LIG1: variants seen among roughly 807,000 people sequenced by gnomAD.
LIG1 encodes DNA ligase 1.
In LIG1, 70 loss-of-function variants were observed where a neutral mutation model predicts 115.7. That is an observed-to-expected ratio of 0.60 (90% CI 0.50 to 0.74). The LOEUF (loss-of-function observed/expected upper bound fraction) is 0.74. Among genes scored for constraint, LIG1 ranks in the 30% least tolerant of loss-of-function variants. The pLI is 0.00. For synonymous variants in LIG1, 487 were observed against 495.3 expected, an observed-to-expected ratio of 0.98 and a Z score of 0.22; for missense variants, 1,115 against 1,225.6, an observed-to-expected ratio of 0.91 and a Z score of 1.35.
rs747743680 is a variant in LIG1, at chr19:48,117,646, G to A, written c.2575C>T (p.Arg859Trp). 7 of 1,612,448 alleles carry A rather than the reference G, an allele frequency of 4.3e-6. No homozygotes were observed. Among genetic ancestry groups the A allele is most frequent in the East Asian group, 2.2e-5 (1 of 44,872 alleles). ...LSLSPIYPAA[R>W]GLVDSDKGIS... ...GGTCCTCTGCCACTCACCAGGCCCCGCGCAGCAGGGTAGATGGGAGAGAGG... is the reference window on the plus strand; with the variant it reads ...GGTCCTCTGCCACTCACCAGGCCCCACGCAGCAGGGTAGATGGGAGAGAGG... Residue 859 changes from arginine (R) to tryptophan (W), a missense_variant, in exon 26 of 28, where the codon CGG (arginine) becomes TGG (tryptophan). Physicochemically the swap from Arg to Trp is moderately radical, Grantham distance 101. Coordinates refer to ENST00000263274, the MANE Select transcript of LIG1 (RefSeq NM_000234.3).
At chr19:48,169,460 T>G (rs117073368) in intron 1 of LIG1, 1,639 of 152,384 alleles carry the variant, frequency 0.011, 31 homozygotes, top group Middle Eastern at 0.061. Context: ...ACAACTTCCT[T>G]GAATCTATAA....
At chr19:48,142,669 A>G (rs1318635762) in intron 11 of LIG1, among the ~76,000 whole-genome samples, 1 of 152,040 alleles carries the variant, frequency 6.6e-6, no homozygotes, top group Non-Finnish European at 1.5e-5. Context: ...TTTGAGACAG[A>G]GTCTCACTCT....
In LIG1 at chr19:48,140,046, G is replaced by A; in HGVS notation, c.1012C>T (p.Leu338Phe). The A allele has an allele frequency of 1.2e-6, 2 of 1,614,118 alleles. No homozygotes were observed. Among genetic ancestry groups the A allele is most frequent in the Non-Finnish European group, 1.7e-6 (2 of 1,180,048 alleles). Residue 338 changes from leucine to phenylalanine, a missense_variant, in exon 12 of 28, where the codon CTT becomes TTT. Physicochemically the swap from Leu to Phe is conservative, Grantham distance 22. Transcript: ENST00000263274. ...LPVLYLSLNH[L>F]GPPQQGLELG... ...TCCAGGCCCTGCTGGGGTGGCCCAA[G>A]GTGGTTGAGGCTGAGGTAGAGGACA...
At position 48,150,132 on chromosome 19, in the gene LIG1, G is replaced by A; in HGVS notation, c.653C>T (p.Thr218Ile). 5 of 1,614,232 alleles carry A rather than the reference G, an allele frequency of 3.1e-6. No homozygotes were observed. Among genetic ancestry groups the A allele is most frequent in the Non-Finnish European group, 4.2e-6 (5 of 1,180,048 alleles). The change falls in exon 8 of 28, where the codon ACC becomes ATC. Residue 218 changes from threonine to isoleucine, a missense_variant. Physicochemically the swap from Thr to Ile is moderately conservative, Grantham distance 89. Transcript: ENST00000263274. ...CTTGGGAGCTCTGCGGGGAGGCTTGGTCTGCTCTTCCTCCTCCTGCAGTTC... is the reference window on the plus strand; with the variant it reads ...CTTGGGAGCTCTGCGGGGAGGCTTGATCTGCTCTTCCTCCTCCTGCAGTTC... ...KQELQEEEEQTKPPRRAPKTL... is the reference protein window; with the variant it reads ...KQELQEEEEQIKPPRRAPKTL...
intron 9 of LIG1, among the ~76,000 whole-genome samples, chr19:48,148,406 T>C (rs377544342): frequency 1.3e-5 from 2 of 150,432 alleles, no homozygotes; most frequent in South Asian, 4.2e-4. Flanking sequence ...ACCTGGGAAG[T>C]TGAAGGTGCA....
chr19:48,162,061 C>A (rs988656513), intron 3 of LIG1, among the ~76,000 whole-genome samples: 2 of 152,168 alleles, frequency 1.3e-5, no homozygotes, highest in African/African-American at 4.8e-5. Context: ...CCAAGACCTG[C>A]AGAAACAGAG....
chr19:48,169,697 C>G (rs1234911258), intron 1 of LIG1: 1 of 158,458 alleles, frequency 6.3e-6, no homozygotes, highest in Non-Finnish European at 1.4e-5. Context: ...TCTAGCCCCG[C>G]CCCCTCAGCA....
chr19:48,128,125 T>A, intron 19 of LIG1, 105 bp from the exon 20 acceptor site: 1 of 883,554 alleles, frequency 1.1e-6, no homozygotes, highest in Non-Finnish European at 1.9e-6. Flanking sequence ...GCTCTCAAGA[T>A]GCACTAACAA....
intron 9 of LIG1, 114 bp downstream of exon 9, chr19:48,149,649 A>T: frequency 1.2e-6 from 1 of 810,132 alleles, no homozygotes; most frequent in Admixed American, 2.0e-5. Context: ...TCTTTATAGA[A>T]AAGGTTTGCC....
rs112930359 is a variant in LIG1, at chr19:48,156,697, C to T, written c.370+317G>A. On this transcript the variant is annotated intron_variant, in intron 5 of 27. Transcript: ENST00000263274. The stretch of plus-strand genomic sequence containing the variant: ...GTGGCTCACGCCTGTAATCCCAGCA[C>T]TTTGGGAGGCTGAGGCAGGCGGATC... Among the ~76,000 whole-genome samples, 19 of 151,880 alleles carry T rather than the reference C, an allele frequency of 1.3e-4. 2 individuals carry two copies. The highest frequency in any genetic ancestry group is 4.6e-4 in the African/African-American group (19 of 41,462).
intron 3 of LIG1, 55 bp downstream of exon 3, chr19:48,162,207 G>C (rs1230661721): frequency 1.6e-5 from 24 of 1,509,318 alleles, no homozygotes; most frequent in African/African-American, 4.1e-5. Flanking sequence ...TTGCAACCAA[G>C]ACAATCCTGA....
At chr19:48,138,962 T>C (rs1411411957) in intron 12 of LIG1, among the ~76,000 whole-genome samples, 1 of 152,154 alleles carries the variant, frequency 6.6e-6, no homozygotes, top group Non-Finnish European at 1.5e-5. Flanking sequence ...CTGATCCAAG[T>C]CAACCTTTCT....
intron 11 of LIG1, 38 bp downstream of exon 11, chr19:48,143,505 C>CGGGGGCGGG: frequency 1.2e-6 from 1 of 850,466 alleles, no homozygotes; most frequent in Non-Finnish European, 2.0e-6. Flanking sequence ...GACCCAGAAG[C>CGGGGGCGGG]GACCCCGCCC....
At chr19:48,145,621 T>G (rs919954973) in intron 9 of LIG1, among the ~76,000 whole-genome samples, 1 of 152,066 alleles carries the variant, frequency 6.6e-6, no homozygotes, top group African/African-American at 2.4e-5. Context: ...TGGTATGAAC[T>G]TGGGGTTTAA....
intron 19 of LIG1, among the ~76,000 whole-genome samples, chr19:48,129,043 A>C (rs1165654708): frequency 6.6e-6 from 1 of 150,698 alleles, no homozygotes; most frequent in African/African-American, 2.5e-5. Flanking sequence ...TATAGGCGTG[A>C]GCCACCACGC....
chr19:48,136,685 T>A (rs1454771939), intron 14 of LIG1, among the ~76,000 whole-genome samples: 1 of 152,112 alleles, frequency 6.6e-6, no homozygotes, highest in Non-Finnish European at 1.5e-5. Flanking sequence ...ATGGATTTGC[T>A]CTCACTGTCA....
chr19:48,143,808 C>A (rs1203922909), intron 10 of LIG1, 75 bp downstream of exon 10: 1 of 1,343,826 alleles, frequency 7.4e-7, no homozygotes. Context: ...TTTCTCCCAA[C>A]CAAGACTCTG....
intron 9 of LIG1, 86 bp from the exon 10 acceptor site, chr19:48,144,049 G>T: frequency 9.1e-7 from 1 of 1,097,790 alleles, no homozygotes; most frequent in Non-Finnish European, 1.4e-6. Context: ...GCCAGGCTCT[G>T]TTCAAGGCAC....
In LIG1 at chr19:48,117,565, C is replaced by T. The variant is rs942533678; in HGVS notation, c.2583+73G>A. 8 of 1,511,396 alleles carry T rather than the reference C, an allele frequency of 5.3e-6. No homozygotes were observed. The Admixed American group carries it at 9.1e-5, about 17-fold the overall frequency. The allele number at this position is 1,511,396 out of a possible 1,614,324, so 93.6% of individuals were successfully genotyped here. On this transcript the variant is annotated intron_variant, in intron 26 of 27. Coordinates refer to ENST00000263274, the MANE Select transcript of LIG1 (RefSeq NM_000234.3). The stretch of plus-strand genomic sequence containing the variant: ...GAAGAGCAGATGTGAGCCAAGGTCC[C>T]CTCCCTACTCTGCTCTCTGTGTGCC...
Sources: allele counts gnomAD v4.1 joint callset (sites outside exome capture counted in the v4.1 genomes callset), GRCh38; gene constraint gnomAD v4.1.1; transcripts MANE v1.5; gene names NCBI Gene and HGNC (gene_info 2026-07-23, HGNC 2026-07-21).